The following FNDC3A variants were observed in gnomAD, a reference collection of about 807,000 sequenced individuals.
FNDC3A encodes the protein fibronectin type III domain containing 3A.
Under a neutral mutation model 148.9 loss-of-function variants are expected in FNDC3A, and 32 were observed. The observed-to-expected ratio is 0.21, with a 90% confidence interval of 0.16 to 0.29. The LOEUF (loss-of-function observed/expected upper bound fraction) is 0.29, where lower values mean the gene tolerates loss of function less well. Among genes scored for constraint, FNDC3A ranks in the 10% least tolerant of loss-of-function variants. FNDC3A has a pLI of 1.00. For synonymous variants in FNDC3A, 472 were observed against 473.6 expected (o/e 1.00, Z 0.04); for missense variants, 1,191 against 1,452.8 (o/e 0.82, Z 2.93).
In FNDC3A at chr13:49,106,313, GT is replaced by G. The variant is rs1401704250; in HGVS notation, c.176-8338del. ...CTTAAAATCCTTTTTACCCTACTCT[GT>G]TTTATTTGTTTCTTTTGAGATGGGG... On this transcript the variant is annotated intron_variant, in intron 3 of 25. Transcript: ENST00000492622. Among the ~76,000 whole-genome samples, 3 of 152,028 alleles carry G rather than the reference GT, an allele frequency of 2.0e-5. No homozygotes were observed. In the East Asian group the frequency reaches 5.8e-4, roughly 29 times the overall value.
At chr13:49,069,444 A>G (rs1370699699) in intron 2 of FNDC3A, among the ~76,000 whole-genome samples, 3 of 152,104 alleles carry the variant, frequency 2.0e-5, no homozygotes, top group South Asian at 2.1e-4. Context: ...CTCCAACCAT[A>G]TAGAACTCCA....
chr13:49,180,604 CTTTGTAA>C (rs1314311457), intron 14 of FNDC3A, among the ~76,000 whole-genome samples: 1 of 152,096 alleles, frequency 6.6e-6, no homozygotes, highest in East Asian at 1.9e-4. Context: ...TTGTTAATGT[CTTTGTAA>C]TTTGTTAAGT....
In FNDC3A at chr13:49,050,332, A is replaced by T. The variant is rs1043463643; in HGVS notation, c.100-24957A>T. Among the ~76,000 whole-genome samples, 5 of 152,128 alleles carry T rather than the reference A, an allele frequency of 3.3e-5. No homozygotes were observed. In the East Asian group the frequency reaches 5.8e-4, roughly 18 times the overall value. On this transcript the variant is annotated intron_variant, in intron 2 of 25. Coordinates refer to ENST00000492622, the MANE Select transcript of FNDC3A (RefSeq NM_001079673.2). ...TTTGCTGTATCCCAGAGGTTTTGAT[A>T]GGTTGTGTCACTATTATCATTCAGT...
At chr13:49,021,584 A>G (rs1873330091) in intron 2 of FNDC3A, among the ~76,000 whole-genome samples, 1 of 152,096 alleles carries the variant, frequency 6.6e-6, no homozygotes, top group Admixed American at 6.6e-5. Flanking sequence ...AGCTGGGGAG[A>G]CAGAGTAGGG....
rs372235982 is a variant in FNDC3A at position 49,196,961 on chromosome 13, T to A, written c.2311T>A (p.Ser771Thr). Residue 771 changes from serine to threonine, a missense_variant, in exon 20 of 26, where the codon TCT becomes ACT. Around this residue, in one of 3 missense-constraint regions of FNDC3A, gnomAD observed 751 missense variants for 944.0 expected, o/e 0.80. Coordinates refer to ENST00000492622, the MANE Select transcript of FNDC3A (RefSeq NM_001079673.2). ...QCKPPQVTCR[S>T]ATCAQVNWEV... ...CAAGCCCCCTCAAGTGACATGTAGA[T>A]CTGCAACTTGTGCACAAGTGAATTG... 25 of 1,611,128 alleles carry A rather than the reference T, an allele frequency of 1.6e-5. No homozygotes were observed. The highest frequency in any genetic ancestry group is 2.0e-5 in the Non-Finnish European group (23 of 1,178,432).
intron 1 of FNDC3A, among the ~76,000 whole-genome samples, chr13:48,982,915 G>C (rs1333687421): frequency 6.6e-6 from 1 of 152,136 alleles, no homozygotes; most frequent in Non-Finnish European, 1.5e-5. Flanking sequence ...AATATAGACT[G>C]TACAAGAATT....
At position 49,027,076 on chromosome 13, in the gene FNDC3A, G is replaced by GTGT. The variant is rs1035814091; in HGVS notation, c.99+20788_99+20790dup. ...ATTTTGGAAATTCAAAACTGAAAGAGTGTACAGAAAAAAACAGTCCAATTC... is the reference window on the plus strand; with the variant it reads ...ATTTTGGAAATTCAAAACTGAAAGAGTGTTGTACAGAAAAAAACAGTCCAATTC... On this transcript the variant is annotated intron_variant, in intron 2 of 25. Coordinates refer to ENST00000492622, the MANE Select transcript of FNDC3A (RefSeq NM_001079673.2). 5.3e-5 allele frequency among the ~76,000 whole-genome samples: 8 copies of GTGT among 152,132 alleles called. No homozygotes were observed. The East Asian group carries it at 1.5e-3, about 29-fold the overall frequency.
intron 2 of FNDC3A, among the ~76,000 whole-genome samples, chr13:49,066,849 C>G (rs769683049): frequency 5.3e-5 from 8 of 152,174 alleles, no homozygotes; most frequent in African/African-American, 7.2e-5. Flanking sequence ...TCACTGCCCT[C>G]AAAGCTTATA....
At chr13:49,043,122 G>T (rs1875078008) in intron 2 of FNDC3A, among the ~76,000 whole-genome samples, 1 of 136,504 alleles carries the variant, frequency 7.3e-6, no homozygotes. Flanking sequence ...CACCCAGCCA[G>T]TTTTTTTTTT....
chr13:49,018,073 A>C (rs1470619523), intron 2 of FNDC3A, among the ~76,000 whole-genome samples: 1 of 151,072 alleles, frequency 6.6e-6, no homozygotes, highest in Admixed American at 6.6e-5. Context: ...TCTGACAATT[A>C]TGTGTCTTGG....
At chr13:49,021,509 G>A (rs1056812948) in intron 2 of FNDC3A, among the ~76,000 whole-genome samples, 4 of 152,142 alleles carry the variant, frequency 2.6e-5, no homozygotes, top group Non-Finnish European at 5.9e-5. Context: ...TTCCCTTCCA[G>A]TGGCTGCTAG....
At chr13:49,161,128 T>A (rs928845997) in intron 8 of FNDC3A, among the ~76,000 whole-genome samples, 1 of 152,232 alleles carries the variant, frequency 6.6e-6, no homozygotes, top group Non-Finnish European at 1.5e-5. Context: ...TGTAGATGTC[T>A]ATTAGGTCCA....
At chr13:49,004,057 T>C (rs947351155) in intron 1 of FNDC3A, among the ~76,000 whole-genome samples, 3 of 152,174 alleles carry the variant, frequency 2.0e-5, no homozygotes, top group Non-Finnish European at 4.4e-5. Flanking sequence ...TGGATGTTAA[T>C]ACATGCTGTA....
chr13:49,174,487 T>G lies in FNDC3A; in HGVS notation c.1283T>G (p.Phe428Cys). 1 of 1,612,640 alleles carries G rather than the reference T, an allele frequency of 6.2e-7. No individual in the cohort carries two copies. The highest frequency in any genetic ancestry group is 8.5e-7 in the Non-Finnish European group (1 of 1,178,862). ...CQCYMGSQKQ[F>C]KITKLSPAMG... ...TGTTACATGGGCTCACAGAAACAAT[T>G]TAAAATTACTAAACTTTCACCAGCA... Residue 428 changes from phenylalanine (F) to cysteine (C), a missense_variant, in exon 12 of 26, where the codon TTT (phenylalanine) becomes TGT (cysteine). This residue lies in a region of FNDC3A where 751 missense variants were observed against 944.0 expected (regional missense o/e 0.80). Coordinates refer to ENST00000492622, the MANE Select transcript of FNDC3A (RefSeq NM_001079673.2).
intron 4 of FNDC3A, among the ~76,000 whole-genome samples, chr13:49,129,427 CG>C (rs998537291): frequency 2.0e-5 from 3 of 152,112 alleles, no homozygotes; most frequent in Admixed American, 1.3e-4. Flanking sequence ...GAAATGGCTC[CG>C]TTTTTTAAGA....
chr13:49,077,797 T>G (rs1213328751), intron 3 of FNDC3A, among the ~76,000 whole-genome samples: 1 of 152,198 alleles, frequency 6.6e-6, no homozygotes, highest in Non-Finnish European at 1.5e-5. Flanking sequence ...AAGTAAAAAT[T>G]TTTTAAAAAT....
At chr13:49,160,588 T>G (rs1884038270) in intron 8 of FNDC3A, among the ~76,000 whole-genome samples, 1 of 152,066 alleles carries the variant, frequency 6.6e-6, no homozygotes. Context: ...TTCATTAATT[T>G]TTTGAAGGGT....
chr13:49,035,960 A>C (rs1336624558), intron 2 of FNDC3A, among the ~76,000 whole-genome samples: 2 of 152,106 alleles, frequency 1.3e-5, no homozygotes, highest in African/African-American at 4.8e-5. Flanking sequence ...ACTTCAGCTG[A>C]AATGTTATAT....
At chr13:49,140,602 A>G (rs1882634611) in intron 7 of FNDC3A, among the ~76,000 whole-genome samples, 1 of 152,162 alleles carries the variant, frequency 6.6e-6, no homozygotes, top group South Asian at 2.1e-4. Flanking sequence ...TTGTTTTTGC[A>G]TGCTCTAGTT....
Sources: allele counts gnomAD v4.1 joint callset (sites outside exome capture counted in the v4.1 genomes callset), GRCh38; gene constraint gnomAD v4.1.1; regional missense constraint gnomAD v4.1.1; transcripts MANE v1.5; gene names NCBI Gene and HGNC (gene_info 2026-07-23, HGNC 2026-07-21).